Variants in BOLL observed in about 807,000 individuals in gnomAD.
BOLL encodes the protein protein boule-like.
In BOLL, 23 loss-of-function variants were observed where a neutral mutation model predicts 44.4. The observed-to-expected ratio is 0.52, with a 90% CI of 0.37 to 0.73. BOLL has a LOEUF of 0.73. BOLL is among the 30% of genes least tolerant of loss of function. BOLL has a pLI of 0.00. For missense variants in BOLL, 287 were observed against 338.3 expected (o/e 0.85, Z 1.19); for synonymous variants, 97 against 110.8 (o/e 0.88, Z 0.78).
chr2:197,735,691 C>G (rs944837744), intron 10 of BOLL, among the ~76,000 whole-genome samples: 1 of 152,002 alleles, frequency 6.6e-6, no homozygotes, highest in East Asian at 1.9e-4. Context: ...TTTCAAAATG[C>G]AAGGCTAAAA....
At chr2:197,754,359 A>G (rs1201773359) in intron 9 of BOLL, among the ~76,000 whole-genome samples, 1 of 152,154 alleles carries the variant, frequency 6.6e-6, no homozygotes, top group Non-Finnish European at 1.5e-5. Context: ...CTTACACCTT[A>G]TACAAAAATT....
intron 7 of BOLL, among the ~76,000 whole-genome samples, chr2:197,758,547 C>T (rs200005170): frequency 6.6e-6 from 1 of 152,130 alleles, no homozygotes; most frequent in Non-Finnish European, 1.5e-5. Context: ...TACTGTAGCA[C>T]AAAAACAGCC....
intron 2 of BOLL, 135 bp downstream of exon 2, chr2:197,781,587 C>A (rs1289381872): frequency 1.1e-6 from 1 of 923,210 alleles, no homozygotes; most frequent in Non-Finnish European, 1.5e-6. Flanking sequence ...TGAAAAGATT[C>A]TTTATAATAA....
At position 197,726,978 on chromosome 2, in the gene BOLL, G is replaced by A. The variant is rs1161082036; in HGVS notation, c.*1577C>T. On this transcript the variant is annotated 3_prime_UTR_variant, in exon 11 of 11. Coordinates refer to ENST00000392296, the MANE Select transcript of BOLL (RefSeq NM_033030.6). ...TTGAAAATCAAAACATAAACTTTTT[G>A]GTTCTCAAGGATAGTGCTATTAAAA... is the stretch of plus-strand genomic sequence containing the variant. 6.6e-6 allele frequency: 1 copy of A among 152,454 alleles called. No homozygotes were observed. Among genetic ancestry groups the A allele is most frequent in the African/African-American group, 2.4e-5 (1 of 41,384 alleles). 9.4% of individuals were successfully genotyped at this position (152,454 alleles called of 1,614,324 possible).
At position 197,728,261 on chromosome 2, in the gene BOLL, G is replaced by T; in HGVS notation, c.*294C>A. The stretch of plus-strand genomic sequence containing the variant: ...AAGACACCTCACTATTCCCAATGTG[G>T]TTATTATTTATGGAATGGATAAAAC... On this transcript the variant is annotated 3_prime_UTR_variant, in exon 11 of 11. Transcript: ENST00000392296. The T allele has an allele frequency of 2.2e-6, 1 of 447,262 alleles. No homozygotes were observed. Among genetic ancestry groups the T allele is most frequent in the Non-Finnish European group, 3.9e-6 (1 of 254,012 alleles). 27.7% of individuals were successfully genotyped at this position (447,262 alleles called of 1,614,324 possible). A position where few individuals can be genotyped will look rare whatever the true frequency, so the allele number is the denominator to read the frequency against.
At position 197,766,484 on chromosome 2, in the gene BOLL, A is replaced by G. The variant is rs749951480; in HGVS notation, c.552+48T>C. ...AAGAAATAAATGAAAGTTAGCTAAG[A>G]AAGGACTGAAAGTTTCAGAGAGAAT... On this transcript the variant is annotated intron_variant, in intron 7 of 10. Transcript: ENST00000392296. 6.3e-6 allele frequency: 9 copies of G among 1,429,770 alleles called. No individual in the cohort carries two copies. In the Admixed American group the frequency reaches 1.4e-4, roughly 22 times the overall value. 88.6% of individuals were successfully genotyped at this position (1,429,770 alleles called of 1,614,324 possible). A position where few individuals can be genotyped will look rare whatever the true frequency, so the allele number is the denominator to read the frequency against.
At chr2:197,747,010 A>C (rs1688017537) in intron 9 of BOLL, among the ~76,000 whole-genome samples, 1 of 151,972 alleles carries the variant, frequency 6.6e-6, no homozygotes, top group Non-Finnish European at 1.5e-5. Flanking sequence ...GTTCTAAAGG[A>C]AGAATATGCC....
In BOLL at chr2:197,746,417, T is replaced by C. The variant is rs1271280616; in HGVS notation, c.730-3258A>G. Reference sequence around the variant, plus strand: ...ACCTTAGTGTCCATCAATCAGTGAATGGATAAAGAAAATGTAGTATCCATA... The same window carrying C: ...ACCTTAGTGTCCATCAATCAGTGAACGGATAAAGAAAATGTAGTATCCATA... On this transcript the variant is annotated intron_variant, in intron 9 of 10. Coordinates refer to ENST00000392296, the MANE Select transcript of BOLL (RefSeq NM_033030.6). 6.6e-5 allele frequency among the ~76,000 whole-genome samples: 10 copies of C among 152,244 alleles called. No homozygotes were observed. The South Asian group carries it at 8.3e-4, about 13-fold the overall frequency.
At chr2:197,754,007 A>C (rs1408931411) in intron 9 of BOLL, among the ~76,000 whole-genome samples, 1 of 152,146 alleles carries the variant, frequency 6.6e-6, no homozygotes, top group Non-Finnish European at 1.5e-5. Context: ...GAAGCTGGAA[A>C]CCAGCATTCT....
chr2:197,759,181 G>A (rs528384462), intron 7 of BOLL, among the ~76,000 whole-genome samples: 1 of 152,282 alleles, frequency 6.6e-6, no homozygotes, highest in African/African-American at 2.4e-5. Context: ...GGGGAGTGGA[G>A]ACACACCTGT....
chr2:197,773,576 T>C (rs1689368418), intron 5 of BOLL, among the ~76,000 whole-genome samples: 1 of 151,944 alleles, frequency 6.6e-6, no homozygotes, highest in African/African-American at 2.4e-5. Context: ...TACATATATA[T>C]GGAAAATTTG....
chr2:197,769,035 T>C (rs1319438885), intron 6 of BOLL, among the ~76,000 whole-genome samples: 1 of 151,812 alleles, frequency 6.6e-6, no homozygotes, highest in Non-Finnish European at 1.5e-5. Flanking sequence ...TGGATAAGCT[T>C]TTTGATGTGC....
chr2:197,749,926 C>T (rs1403957467), intron 9 of BOLL, among the ~76,000 whole-genome samples: 1 of 151,912 alleles, frequency 6.6e-6, no homozygotes, highest in Non-Finnish European at 1.5e-5. Context: ...GGTGGGAAGC[C>T]CACCAAACTA....
chr2:197,774,403 C>A (rs1454475778), intron 5 of BOLL: 1 of 152,112 alleles, frequency 6.6e-6, no homozygotes, highest in East Asian at 1.9e-4. Context: ...ATTTTTAAAA[C>A]AATGACTTTA....
At chr2:197,769,839 C>G (rs540051299) in intron 6 of BOLL, among the ~76,000 whole-genome samples, 3 of 151,860 alleles carry the variant, frequency 2.0e-5, no homozygotes, top group South Asian at 4.1e-4. Context: ...CACTGCTCAA[C>G]GAAATAAAAG....
chr2:197,767,541 G>C (rs537127932), intron 6 of BOLL, among the ~76,000 whole-genome samples: 1 of 152,054 alleles, frequency 6.6e-6, no homozygotes, highest in African/African-American at 2.4e-5. Flanking sequence ...ACCTTTTTAT[G>C]ATTAAAAACT....
At chr2:197,752,754 A>G (rs1394868710) in intron 9 of BOLL, among the ~76,000 whole-genome samples, 1 of 152,240 alleles carries the variant, frequency 6.6e-6, no homozygotes, top group Non-Finnish European at 1.5e-5. Context: ...ATTCAATGCT[A>G]TTCCCATCAA....
chr2:197,734,282 A>G (rs1305356606), intron 10 of BOLL, among the ~76,000 whole-genome samples: 1 of 152,032 alleles, frequency 6.6e-6, no homozygotes, highest in Non-Finnish European at 1.5e-5. Context: ...CACACCAGTT[A>G]GAATGGCGAT....
intron 6 of BOLL, among the ~76,000 whole-genome samples, chr2:197,769,700 A>AC (rs1689150745): frequency 6.6e-6 from 1 of 152,032 alleles, no homozygotes; most frequent in Non-Finnish European, 1.5e-5. Flanking sequence ...ATTCCTATAC[A>AC]CAATAACAGA....
Sources: allele counts gnomAD v4.1 joint callset (sites outside exome capture counted in the v4.1 genomes callset), GRCh38; gene constraint gnomAD v4.1.1; transcripts MANE v1.5; gene names NCBI Gene and HGNC (gene_info 2026-07-23, HGNC 2026-07-21).